BTBD1: variants seen among roughly 807,000 people sequenced by gnomAD.
BTBD1 encodes the protein BTB/POZ domain-containing protein 1.
In BTBD1, 34 loss-of-function variants were observed where a neutral mutation model predicts 48.0. The ratio of observed to expected loss-of-function variants is 0.71; its 90% CI spans 0.54 to 0.94. The LOEUF (loss-of-function observed/expected upper bound fraction) is 0.94. Ranked by LOEUF, BTBD1 falls within the 40% of genes least tolerant of loss-of-function variation. The pLI, the probability that BTBD1 is intolerant of heterozygous loss-of-function variation, is 0.00. For missense variants in BTBD1, 543 were observed against 625.6 expected (o/e 0.87, Z 1.41); for synonymous variants, 261 against 242.1 (o/e 1.08, Z -0.72).
chr15:83,029,158 T>G (rs1382538712), intron 5 of BTBD1, among the ~76,000 whole-genome samples: 1 of 152,238 alleles, frequency 6.6e-6, no homozygotes, highest in Non-Finnish European at 1.5e-5. Flanking sequence ...CATTTTTAAT[T>G]TCCATGTTAA....
intron 1 of BTBD1, among the ~76,000 whole-genome samples, chr15:83,065,919 G>A (rs1009328182): frequency 1.3e-5 from 2 of 152,152 alleles, no homozygotes; most frequent in African/African-American, 4.8e-5. Context: ...ACACAAAGCA[G>A]GTAAAGCCTC....
chr15:83,053,859 T>G (rs1164050633), intron 2 of BTBD1, among the ~76,000 whole-genome samples: 1 of 152,222 alleles, frequency 6.6e-6, no homozygotes, highest in Non-Finnish European at 1.5e-5. Context: ...AATGAATTAA[T>G]GTACACAAAG....
intron 3 of BTBD1, among the ~76,000 whole-genome samples, chr15:83,048,400 G>T (rs944273048): frequency 6.6e-6 from 1 of 152,042 alleles, no homozygotes; most frequent in African/African-American, 2.4e-5. Flanking sequence ...AAGACGACAG[G>T]GACTGAAGAT....
intron 5 of BTBD1, among the ~76,000 whole-genome samples, chr15:83,026,544 C>G (rs1430178466): frequency 8.4e-4 from 73 of 86,596 alleles, no homozygotes; most frequent in Admixed American, 1.7e-4. Context: ...TTTTTTGAGA[C>G]GGAGTTTTGC....
At chr15:83,058,557 G>A (rs143814376) in intron 1 of BTBD1, among the ~76,000 whole-genome samples, 119 of 151,950 alleles carry the variant, frequency 7.8e-4, no homozygotes, top group African/African-American at 2.7e-3. Flanking sequence ...TGCAGGGAGC[G>A]GAGATCGCAA....
chr15:83,064,849 G>A (rs1017707866), intron 1 of BTBD1, among the ~76,000 whole-genome samples: 2 of 152,266 alleles, frequency 1.3e-5, no homozygotes, highest in South Asian at 4.1e-4. Context: ...CTGGATTTTA[G>A]CTTTTGAGGT....
intron 3 of BTBD1, among the ~76,000 whole-genome samples, chr15:83,042,351 TATATATA>T (rs1567108276): frequency 6.0e-4 from 54 of 90,130 alleles, no homozygotes; most frequent in African/African-American, 3.0e-3. Context: ...GGCAATTTTA[TATATATA>T]TATATATATA....
chr15:83,025,832 T>G (rs1441011066), intron 5 of BTBD1, among the ~76,000 whole-genome samples: 1 of 152,074 alleles, frequency 6.6e-6, no homozygotes. Flanking sequence ...TGCAGTGGCG[T>G]GGTCTTGGCT....
At chr15:83,021,320 C>T (rs2032290384) in intron 5 of BTBD1, among the ~76,000 whole-genome samples, 1 of 152,190 alleles carries the variant, frequency 6.6e-6, no homozygotes, top group South Asian at 2.1e-4. Context: ...TAACAGAATA[C>T]TGGTAGCAGA....
chr15:83,030,302 C>A lies in BTBD1; in HGVS notation c.889G>T (p.Asp297Tyr), dbSNP rs1354088090. 1.2e-6 allele frequency: 2 copies of A among 1,613,858 alleles called. No individual in the cohort carries two copies. Among genetic ancestry groups the A allele is most frequent in the East Asian group, 2.2e-5 (1 of 44,894 alleles). ...AGAAAGAGGTTTACCACTTCACGAT[C>A]TGACAAAATTCCAGATTGAGCAGGA... The part of the protein sequence containing the change: ...AGPAQSGILS[D>Y]REVVNLFLHF... The change falls in exon 5 of 8, where the codon GAT (aspartate) becomes TAT (tyrosine). Residue 297 changes from aspartate (D) to tyrosine (Y), a missense_variant. By Grantham distance (160) the Asp-to-Tyr change is radical (BLOSUM62 -3). Coordinates refer to ENST00000261721, the MANE Select transcript of BTBD1 (RefSeq NM_025238.4).
In BTBD1 at chr15:83,016,687, CA is replaced by C. The variant is rs920713146; in HGVS notation, c.*1379del. 1.3e-5 allele frequency: 2 copies of C among 152,132 alleles called. No individual in the cohort carries two copies. Among genetic ancestry groups the C allele is most frequent in the African/African-American group, 4.8e-5 (2 of 41,430 alleles). 9.4% of individuals were successfully genotyped at this position (152,132 alleles called of 1,614,324 possible). On this transcript the variant is annotated 3_prime_UTR_variant, in exon 8 of 8. Transcript: ENST00000261721. Reference sequence around the variant, plus strand: ...TAATTTTTAGTTAACCAGAACCACACATCCCATAGATAATTCCATTTAACTG... The same window carrying C: ...TAATTTTTAGTTAACCAGAACCACACTCCCATAGATAATTCCATTTAACTG...
chr15:83,062,821 G>T (rs559207036), intron 1 of BTBD1, among the ~76,000 whole-genome samples: 1 of 152,180 alleles, frequency 6.6e-6, no homozygotes, highest in South Asian at 2.1e-4. Flanking sequence ...CACTTACCTC[G>T]TGCCCCTTCC....
chr15:83,039,777 CA>C (rs34059984), intron 4 of BTBD1, among the ~76,000 whole-genome samples: 44,590 of 97,370 alleles, frequency 0.46, 6,656 homozygotes, highest in Middle Eastern at 0.5. Context: ...GGCTCTGTCT[CA>C]AAAAAAAAAA....
chr15:83,018,064 A>G lies in BTBD1; in HGVS notation c.*3T>C, dbSNP rs1028658990. The G allele has an allele frequency of 4.4e-6, 7 of 1,591,912 alleles. No homozygotes were observed. The African/African-American group carries it at 6.7e-5, about 15-fold the overall frequency. On this transcript the variant is annotated 3_prime_UTR_variant, in exon 8 of 8. Transcript: ENST00000261721. ...TTTAGCCAAGATGTATTATAATGCT[A>G]AATTATGTATAAAATATGATTTCTG...
chr15:83,051,877 T>TACACACACACACACAC (rs113253261), intron 2 of BTBD1, among the ~76,000 whole-genome samples: 14,673 of 138,708 alleles, frequency 0.11, 862 homozygotes, highest in Middle Eastern at 0.17. Context: ...TCCATATATA[T>TACACACACACACACAC]ACACACACAC....
At chr15:83,049,276 T>C (rs1231903481) in intron 3 of BTBD1, among the ~76,000 whole-genome samples, 2 of 152,082 alleles carry the variant, frequency 1.3e-5, no homozygotes, top group Non-Finnish European at 2.9e-5. Context: ...ATGCACATCT[T>C]TGGGATGTGA....
intron 1 of BTBD1, among the ~76,000 whole-genome samples, chr15:83,062,328 G>T (rs1265166763): frequency 6.6e-6 from 1 of 152,086 alleles, no homozygotes; most frequent in African/African-American, 2.4e-5. Context: ...TGGAGAGGCA[G>T]GTAAAATTTT....
chr15:83,037,586 T>C (rs1457605524), intron 4 of BTBD1, among the ~76,000 whole-genome samples: 1 of 152,156 alleles, frequency 6.6e-6, no homozygotes, highest in Admixed American at 6.5e-5. Context: ...AACATCATGC[T>C]GAAAGGGCAA....
At chr15:83,023,138 A>AT (rs1473868362) in intron 5 of BTBD1, among the ~76,000 whole-genome samples, 1 of 152,140 alleles carries the variant, frequency 6.6e-6, no homozygotes, top group Non-Finnish European at 1.5e-5. Context: ...TTAAAAAATC[A>AT]TATCAGAATA....
Sources: allele counts gnomAD v4.1 joint callset (sites outside exome capture counted in the v4.1 genomes callset), GRCh38; gene constraint gnomAD v4.1.1; transcripts MANE v1.5; gene names NCBI Gene and HGNC (gene_info 2026-07-23, HGNC 2026-07-21).